KIF16B: variants seen among roughly 807,000 people sequenced by gnomAD.
KIF16B encodes kinesin-like protein KIF16B.
In KIF16B, 98 loss-of-function variants were observed where a neutral mutation model predicts 156.3. The observed-to-expected ratio is 0.63, with a 90% CI of 0.53 to 0.74. The LOEUF (loss-of-function observed/expected upper bound fraction) is 0.74, where lower values mean the gene tolerates loss of function less well. Among genes scored for constraint, KIF16B ranks in the 30% least tolerant of loss-of-function variants. KIF16B has a pLI of 0.00. For missense variants in KIF16B, 1,421 were observed against 1,606.5 expected, an observed-to-expected ratio of 0.88 and a Z score of 1.97; for synonymous variants, 564 against 583.7, an observed-to-expected ratio of 0.97 and a Z score of 0.49.
At chr20:16,572,970 A>G (rs987079990) in intron 1 of KIF16B, among the ~76,000 whole-genome samples, 4 of 152,072 alleles carry the variant, frequency 2.6e-5, no homozygotes, top group African/African-American at 9.7e-5. Flanking sequence ...TAAAGGGGGA[A>G]CAAGAACATC....
chr20:16,375,952 G>T (rs903463660), intron 19 of KIF16B, among the ~76,000 whole-genome samples: 1 of 152,180 alleles, frequency 6.6e-6, no homozygotes, highest in Non-Finnish European at 1.5e-5. Context: ...TGGGTGATGA[G>T]ATTGAGATCT....
chr20:16,308,719 A>G (rs2063575837), intron 25 of KIF16B, among the ~76,000 whole-genome samples: 1 of 152,252 alleles, frequency 6.6e-6, no homozygotes, highest in Admixed American at 6.5e-5. Flanking sequence ...AATGTGGGAA[A>G]GCAGGCACTA....
Position 16,292,384 on chromosome 20 carries a change from C to T in KIF16B, c.3796-18973G>A, listed in dbSNP as rs373753105. 3.9e-5 allele frequency among the ~76,000 whole-genome samples: 6 copies of T among 152,162 alleles called. No individual in the cohort carries two copies. The South Asian group carries it at 1.2e-3, about 32-fold the overall frequency. On this transcript the variant is annotated intron_variant, in intron 25 of 25. Transcript: ENST00000354981. ...GCTGTGATTCATTAACATTATGAAA[C>T]ATAACTGACACATATAGAAGAAAAA...
chr20:16,320,616 C>T (rs891937719), intron 24 of KIF16B, among the ~76,000 whole-genome samples: 3 of 152,120 alleles, frequency 2.0e-5, no homozygotes, highest in African/African-American at 7.2e-5. Context: ...TTATATCTAA[C>T]CAAAGGGTCT....
At chr20:16,419,672 G>A (rs16997589) in intron 15 of KIF16B, among the ~76,000 whole-genome samples, 4,151 of 152,198 alleles carry the variant, frequency 0.027, 174 homozygotes, top group African/African-American at 0.091. Flanking sequence ...GACCAAAGGA[G>A]TCCACTTATG....
intron 20 of KIF16B, 110 bp from the exon 21 acceptor site, chr20:16,371,871 A>G: frequency 1.5e-6 from 1 of 673,710 alleles, no homozygotes; most frequent in Non-Finnish European, 2.6e-6. Context: ...CCTTCTAAAT[A>G]CCAAACCTAA....
At chr20:16,289,357 G>A (rs2122459933) in intron 25 of KIF16B, among the ~76,000 whole-genome samples, 1 of 152,218 alleles carries the variant, frequency 6.6e-6, no homozygotes, top group Non-Finnish European at 1.5e-5. Flanking sequence ...GAATTGATAT[G>A]CAAATATGTT....
At chr20:16,483,289 G>T (rs2068029747) in intron 12 of KIF16B, among the ~76,000 whole-genome samples, 1 of 152,140 alleles carries the variant, frequency 6.6e-6, no homozygotes, top group African/African-American at 2.4e-5. Flanking sequence ...TCTTCTGTGA[G>T]CTAATAAACC....
At chr20:16,375,298 C>T (rs972782879) in intron 19 of KIF16B, among the ~76,000 whole-genome samples, 24 of 152,126 alleles carry the variant, frequency 1.6e-4, no homozygotes, top group African/African-American at 4.3e-4. Context: ...CAAATGAGAG[C>T]GTCAACTAAT....
chr20:16,334,005 C>T (rs1054590765), intron 24 of KIF16B, among the ~76,000 whole-genome samples: 1 of 152,162 alleles, frequency 6.6e-6, no homozygotes, highest in African/African-American at 2.4e-5. Flanking sequence ...TACTGTCTGC[C>T]CCATATTTAA....
At chr20:16,546,277 G>A (rs922742482) in intron 1 of KIF16B, among the ~76,000 whole-genome samples, 1 of 152,150 alleles carries the variant, frequency 6.6e-6, no homozygotes, top group Non-Finnish European at 1.5e-5. Context: ...TGTGGTTATT[G>A]AGCTGCACTG....
intron 25 of KIF16B, among the ~76,000 whole-genome samples, chr20:16,283,407 C>G (rs2063176404): frequency 6.6e-6 from 1 of 152,130 alleles, no homozygotes; most frequent in Non-Finnish European, 1.5e-5. Context: ...AAGACAACTT[C>G]CCAGACTGAG....
At chr20:16,339,238 G>A (rs763609292) in intron 23 of KIF16B, among the ~76,000 whole-genome samples, 1 of 152,126 alleles carries the variant, frequency 6.6e-6, no homozygotes, top group Non-Finnish European at 1.5e-5. Context: ...TCAATTTTTG[G>A]TTTTGATCGT....
chr20:16,394,179 A>T (rs2065437294), intron 17 of KIF16B, among the ~76,000 whole-genome samples: 1 of 152,208 alleles, frequency 6.6e-6, no homozygotes, highest in Non-Finnish European at 1.5e-5. Flanking sequence ...TTGTGTGGTT[A>T]TAAAATGGCT....
intron 24 of KIF16B, among the ~76,000 whole-genome samples, chr20:16,327,999 T>C (rs1468304004): frequency 6.6e-6 from 1 of 152,220 alleles, no homozygotes; most frequent in Non-Finnish European, 1.5e-5. Flanking sequence ...GAATAATAGA[T>C]GGTCAATAGT....
intron 5 of KIF16B, among the ~76,000 whole-genome samples, chr20:16,512,435 A>G (rs1368416944): frequency 6.6e-6 from 1 of 152,072 alleles, no homozygotes; most frequent in Non-Finnish European, 1.5e-5. Flanking sequence ...CACCTCAACC[A>G]CTCAGATTTA....
intron 1 of KIF16B, among the ~76,000 whole-genome samples, chr20:16,556,500 T>C (rs2070853964): frequency 6.6e-6 from 1 of 152,186 alleles, no homozygotes; most frequent in Admixed American, 6.5e-5. Flanking sequence ...AATCACTGTG[T>C]GTCTATTCTT....
chr20:16,353,396 T>A (rs1242324136), intron 23 of KIF16B, among the ~76,000 whole-genome samples: 1 of 152,184 alleles, frequency 6.6e-6, no homozygotes, highest in Non-Finnish European at 1.5e-5. Context: ...TCCAAAACTC[T>A]CATAAAAACA....
At chr20:16,474,941 A>G (rs986387527) in intron 12 of KIF16B, among the ~76,000 whole-genome samples, 1 of 152,200 alleles carries the variant, frequency 6.6e-6, no homozygotes, top group African/African-American at 2.4e-5. Context: ...TTATCTGTTT[A>G]TGTTTGGTTT....
Sources: gnomAD v4.1 joint callset for allele counts (sites outside exome capture counted in the v4.1 genomes callset) on GRCh38, gnomAD v4.1.1 for gene constraint, MANE v1.5 for transcripts, NCBI Gene and HGNC (gene_info 2026-07-23, HGNC 2026-07-21) for gene names.